Variants in IFT88 observed in about 807,000 individuals in gnomAD.
IFT88 encodes the protein intraflagellar transport protein 88 homolog.
In IFT88, 74 loss-of-function variants were observed where a neutral mutation model predicts 119.5. The ratio of observed to expected loss-of-function variants is 0.62; its 90% CI spans 0.51 to 0.75. The LOEUF (loss-of-function observed/expected upper bound fraction) is 0.75, where lower values mean the gene tolerates loss of function less well. Ranked by LOEUF, IFT88 falls within the 30% of genes least tolerant of loss-of-function variation. The pLI, the probability that IFT88 is intolerant of heterozygous loss-of-function variation, is 0.00. For missense variants in IFT88, 961 were observed against 977.7 expected (o/e 0.98, Z 0.23); for synonymous variants, 279 against 316.7 (o/e 0.88, Z 1.26).
At chr13:20,681,711 CTG>C (rs2057337772) in intron 24 of IFT88, among the ~76,000 whole-genome samples, 1 of 152,210 alleles carries the variant, frequency 6.6e-6, no homozygotes, top group African/African-American at 2.4e-5. Flanking sequence ...AGTTGTTCAT[CTG>C]TGTGGAATTG....
chr13:20,598,651 G>T lies in IFT88; in HGVS notation c.595G>T (p.Val199Phe), dbSNP rs1448958303. The change falls in exon 10 of 26, where the codon GTT becomes TTT. Residue 199 changes from valine to phenylalanine, a missense_variant and splice_region_variant. By Grantham distance (50) the Val-to-Phe change is conservative. Coordinates refer to ENST00000351808, the MANE Select transcript of IFT88 (RefSeq NM_006531.5). ...TTTTCTATAATATTTTCTTCCTTAG[G>T]TTCTTTTCAATTTGGCCAGTCAGTA... ...ENINLDLTYS[V>F]LFNLASQYSV... is the part of the protein sequence containing the mutation. 2 of 1,596,080 alleles carry T rather than the reference G, an allele frequency of 1.3e-6. No homozygotes were observed. The highest frequency in any genetic ancestry group is 1.7e-6 in the Non-Finnish European group (2 of 1,164,926).
At chr13:20,662,267 A>G (rs975606962) in intron 22 of IFT88, among the ~76,000 whole-genome samples, 7 of 152,028 alleles carry the variant, frequency 4.6e-5, no homozygotes, top group Non-Finnish European at 8.8e-5. Flanking sequence ...AAAAACAGAA[A>G]GGAATAGCAT....
intron 24 of IFT88, among the ~76,000 whole-genome samples, chr13:20,689,913 T>C (rs57488738): frequency 0.015 from 2,333 of 152,298 alleles, 51 homozygotes; most frequent in African/African-American, 0.053. Flanking sequence ...ATGTAAAATA[T>C]ACTAAAGTGT....
intron 24 of IFT88, among the ~76,000 whole-genome samples, chr13:20,674,404 C>T (rs1416917132): frequency 6.6e-6 from 1 of 152,096 alleles, no homozygotes; most frequent in Non-Finnish European, 1.5e-5. Flanking sequence ...TCTTAGATGG[C>T]ATTTTCTATT....
Position 20,576,382 on chromosome 13 carries a change from TTGTCCA to T in IFT88, c.90+1909_90+1914del, listed in dbSNP as rs1593688820. Among the ~76,000 whole-genome samples, 3 of 152,284 alleles carry T rather than the reference TTGTCCA, an allele frequency of 2.0e-5. No individual in the cohort carries two copies. The East Asian group carries it at 5.8e-4, about 29-fold the overall frequency. On this transcript the variant is annotated intron_variant, in intron 2 of 25. Coordinates refer to ENST00000351808, the MANE Select transcript of IFT88 (RefSeq NM_006531.5). ...GCTTTTTAACTTGATGTGATCTCAT[TTGTCCA>T]TTTTTGCTTTGATTGCCTGTGCTTG...
At chr13:20,659,142 CA>C (rs1334772607) in intron 22 of IFT88, among the ~76,000 whole-genome samples, 1 of 152,174 alleles carries the variant, frequency 6.6e-6, no homozygotes, top group African/African-American at 2.4e-5. Flanking sequence ...TACAGAGTTA[CA>C]GATGATGTAC....
At chr13:20,569,205 T>A (rs1451362632) in intron 1 of IFT88, among the ~76,000 whole-genome samples, 1 of 152,122 alleles carries the variant, frequency 6.6e-6, no homozygotes, top group Non-Finnish European at 1.5e-5. Flanking sequence ...TGACCTTAGA[T>A]TAGGCAGTTC....
chr13:20,673,995 C>G (rs7318542), intron 24 of IFT88, among the ~76,000 whole-genome samples: 24,922 of 152,186 alleles, frequency 0.16, 2,395 homozygotes, highest in African/African-American at 0.25. Context: ...TCCTTATTTT[C>G]TGACATCTCG....
chr13:20,664,336 G>T (rs1009552427), intron 23 of IFT88, among the ~76,000 whole-genome samples: 6 of 152,186 alleles, frequency 3.9e-5, no homozygotes, highest in African/African-American at 1.4e-4. Flanking sequence ...TGGAAAGGAA[G>T]ACTGTTCTCT....
chr13:20,685,385 T>C (rs1359213358), intron 24 of IFT88, among the ~76,000 whole-genome samples: 2 of 152,218 alleles, frequency 1.3e-5, no homozygotes, highest in East Asian at 1.9e-4. Context: ...GGCCTGTTTA[T>C]GACAGGCTTA....
intron 23 of IFT88, among the ~76,000 whole-genome samples, chr13:20,669,860 T>C (rs1476284228): frequency 6.6e-6 from 1 of 152,244 alleles, no homozygotes; most frequent in Non-Finnish European, 1.5e-5. Flanking sequence ...AGATTTTCTT[T>C]CATCTATGAA....
chr13:20,574,747 C>G (rs371301305), intron 2 of IFT88, among the ~76,000 whole-genome samples: 1 of 152,072 alleles, frequency 6.6e-6, no homozygotes, highest in African/African-American at 2.4e-5. Context: ...GTGTAAAAGA[C>G]TTAGATCACC....
At position 20,663,716 on chromosome 13, in the gene IFT88, T is replaced by G. The variant is rs1410531057; in HGVS notation, c.2175+112T>G. The G allele has an allele frequency of 5.3e-6, 4 of 751,192 alleles. No individual in the cohort carries two copies. In the Admixed American group the frequency reaches 8.7e-5, roughly 16 times the overall value. 46.5% of individuals were successfully genotyped at this position (751,192 alleles called of 1,614,324 possible). On this transcript the variant is annotated intron_variant, in intron 23 of 25. Transcript: ENST00000351808. Reference sequence around the variant, plus strand: ...TATAAGAAAACAGAGTTGAAATTTTTTTCTGCTCTGACATAATAGGAGGAA... The same window carrying G: ...TATAAGAAAACAGAGTTGAAATTTTGTTCTGCTCTGACATAATAGGAGGAA...
At chr13:20,593,923 C>A (rs2041184594) in intron 7 of IFT88, among the ~76,000 whole-genome samples, 1 of 151,870 alleles carries the variant, frequency 6.6e-6, no homozygotes. Flanking sequence ...TGGTGGCACA[C>A]ACCTGTAGCT....
At chr13:20,608,145 A>G (rs1408750767) in intron 13 of IFT88, 5 of 437,234 alleles carry the variant, frequency 1.1e-5, no homozygotes, top group East Asian at 5.2e-5. Flanking sequence ...TTGAACCACT[A>G]TGACTTGTAG....
chr13:20,681,836 G>A (rs1035021802), intron 24 of IFT88, among the ~76,000 whole-genome samples: 4 of 152,308 alleles, frequency 2.6e-5, no homozygotes, highest in Admixed American at 6.5e-5. Flanking sequence ...TACAAGCTCC[G>A]CTTTTTGAGC....
intron 5 of IFT88, 133 bp downstream of exon 5, chr13:20,591,153 T>A (rs61249805): frequency 0.037 from 24,248 of 655,236 alleles, 640 homozygotes; most frequent in Middle Eastern, 0.064. Flanking sequence ...CCAGATTCTT[T>A]AAATTGTGGG....
chr13:20,607,601 C>A, intron 13 of IFT88: 1 of 759,082 alleles, frequency 1.3e-6, no homozygotes, highest in Admixed American at 1.8e-5. Context: ...TCCCGCTGCT[C>A]AACATCTTGG....
chr13:20,678,775 T>C (rs1410671332), intron 24 of IFT88, among the ~76,000 whole-genome samples: 2 of 152,160 alleles, frequency 1.3e-5, no homozygotes, highest in East Asian at 3.9e-4. Context: ...CATGTCTCCC[T>C]TTTCGTTTTT....
Sources: gnomAD v4.1 joint callset for allele counts (sites outside exome capture counted in the v4.1 genomes callset) on GRCh38, gnomAD v4.1.1 for gene constraint, MANE v1.5 for transcripts, NCBI Gene and HGNC (gene_info 2026-07-23, HGNC 2026-07-21) for gene names.